The following PTPRT variants were observed in gnomAD, a reference collection of about 807,000 sequenced individuals.
PTPRT encodes the protein protein tyrosine phosphatase receptor type T.
PTPRT carries 56 observed loss-of-function variants against 176.8 expected under a neutral mutation model. The observed-to-expected ratio is 0.32, with a 90% CI of 0.26 to 0.40. The LOEUF is 0.40. Among genes scored for constraint, PTPRT ranks in the 10% least tolerant of loss-of-function variants. The pLI, the probability that PTPRT is intolerant of heterozygous loss-of-function variation, is 1.00. For missense variants in PTPRT, 1,540 were observed against 1,908.2 expected, an observed-to-expected ratio of 0.81 and a Z score of 3.60; for synonymous variants, 783 against 739.0, an observed-to-expected ratio of 1.06 and a Z score of -0.96.
chr20:42,355,767 G>A (rs2058350311), intron 9 of PTPRT, among the ~76,000 whole-genome samples: 1 of 152,116 alleles, frequency 6.6e-6, no homozygotes, highest in Non-Finnish European at 1.5e-5. Context: ...CCGTCCCCCT[G>A]CTTGGACTGG....
intron 6 of PTPRT, among the ~76,000 whole-genome samples, chr20:42,723,311 G>A (rs536587142): frequency 2.6e-5 from 4 of 152,218 alleles, no homozygotes; most frequent in East Asian, 1.9e-4. Context: ...CACAGAAAAC[G>A]AGGGCTTGAA....
chr20:43,186,045 G>A (rs1422821017), intron 1 of PTPRT, among the ~76,000 whole-genome samples: 1 of 152,198 alleles, frequency 6.6e-6, no homozygotes, highest in African/African-American at 2.4e-5. Context: ...ATACACCTGT[G>A]CTGAGGTCAG....
chr20:43,027,408 G>A (rs1476352007), intron 1 of PTPRT, among the ~76,000 whole-genome samples: 1 of 151,306 alleles, frequency 6.6e-6, no homozygotes, highest in African/African-American at 2.4e-5. Flanking sequence ...CCCAGGAGGT[G>A]GAGGTTGCAG....
intron 17 of PTPRT, among the ~76,000 whole-genome samples, chr20:42,146,905 C>T (rs1436625657): frequency 6.6e-6 from 1 of 152,168 alleles, no homozygotes; most frequent in Non-Finnish European, 1.5e-5. Flanking sequence ...ATGCTGTTCC[C>T]TTTACCTGAA....
intron 15 of PTPRT, among the ~76,000 whole-genome samples, chr20:42,217,685 G>A (rs2055808120): frequency 6.6e-6 from 1 of 152,110 alleles, no homozygotes; most frequent in African/African-American, 2.4e-5. Flanking sequence ...TGCACTGCGG[G>A]ATGCTTAGTA....
chr20:42,319,620 A>T (rs1368837437), intron 11 of PTPRT, among the ~76,000 whole-genome samples: 2 of 152,250 alleles, frequency 1.3e-5, no homozygotes, highest in Non-Finnish European at 2.9e-5. Flanking sequence ...CAAAGACCAC[A>T]GAACTCTGAT....
chr20:42,572,566 C>T (rs1262802818), intron 7 of PTPRT, among the ~76,000 whole-genome samples: 1 of 152,190 alleles, frequency 6.6e-6, no homozygotes, highest in Non-Finnish European at 1.5e-5. Context: ...CTTTCGAGCC[C>T]ATATAAAATG....
At chr20:43,080,429 T>C (rs1452061302) in intron 1 of PTPRT, among the ~76,000 whole-genome samples, 1 of 152,238 alleles carries the variant, frequency 6.6e-6, no homozygotes, top group Non-Finnish European at 1.5e-5. Flanking sequence ...TAGCAAAAGC[T>C]GACTGATATA....
rs1464757658 is a variant in PTPRT, at chr20:42,199,330, C to T, written c.2401G>A (p.Val801Met). ...QSGAQREMGPVASADKPTTKL... is the reference protein window; with the variant it reads ...QSGAQREMGPMASADKPTTKL... ...GTGGTGGGTTTGTCGGCAGAGGCCA[C>T]AGGCCCCATCTCCCTCTGGGCTCCA... Residue 801 changes from valine (V) to methionine (M), a missense_variant, in exon 16 of 31, where the codon GTG (valine) becomes ATG (methionine). Around this residue, in one of 11 missense-constraint regions of PTPRT, gnomAD observed 255 missense variants for 250.1 expected, o/e 1.02. Coordinates refer to ENST00000373187, the MANE Select transcript of PTPRT (RefSeq NM_007050.6). 1 of 1,614,164 alleles carries T rather than the reference C, an allele frequency of 6.2e-7. No individual in the cohort carries two copies. Among genetic ancestry groups the T allele is most frequent in the Non-Finnish European group, 8.5e-7 (1 of 1,180,002 alleles).
intron 17 of PTPRT, among the ~76,000 whole-genome samples, chr20:42,160,501 G>C (rs964795574): frequency 6.6e-6 from 1 of 150,978 alleles, no homozygotes; most frequent in East Asian, 2.0e-4. Context: ...AAAGAGGAAC[G>C]TGGTGCCCTT....
At chr20:42,216,691 A>T (rs911821691) in intron 15 of PTPRT, among the ~76,000 whole-genome samples, 15 of 152,166 alleles carry the variant, frequency 9.9e-5, no homozygotes, top group Admixed American at 9.8e-4. Flanking sequence ...GACACTTTCC[A>T]TTCCTTTATT....
intron 1 of PTPRT, among the ~76,000 whole-genome samples, chr20:42,914,980 A>G (rs1483128881): frequency 6.6e-6 from 1 of 152,080 alleles, no homozygotes; most frequent in African/African-American, 2.4e-5. Flanking sequence ...AATTTTCTAA[A>G]CCCTTATCCC....
At chr20:42,382,966 G>A (rs2058711075) in intron 9 of PTPRT, among the ~76,000 whole-genome samples, 1 of 152,116 alleles carries the variant, frequency 6.6e-6, no homozygotes, top group Non-Finnish European at 1.5e-5. Flanking sequence ...TCTGAGCTCT[G>A]CAATTACATC....
chr20:42,942,639 T>C (rs975620765), intron 1 of PTPRT, among the ~76,000 whole-genome samples: 4 of 152,198 alleles, frequency 2.6e-5, no homozygotes, highest in African/African-American at 9.6e-5. Flanking sequence ...GAACATAGTA[T>C]GGGCGTATGA....
chr20:42,639,906 C>T (rs1056313455), intron 7 of PTPRT, among the ~76,000 whole-genome samples: 1 of 152,058 alleles, frequency 6.6e-6, no homozygotes, highest in Admixed American at 6.6e-5. Context: ...TTGTCTACGC[C>T]GCTTCTGCTT....
intron 7 of PTPRT, among the ~76,000 whole-genome samples, chr20:42,577,837 C>CTGTGTGTGTG (rs11468271): frequency 0.04 from 5,552 of 139,350 alleles, 155 homozygotes; most frequent in South Asian, 0.088. Context: ...CTGAGCAAGG[C>CTGTGTGTGTG]TGTGTGTGTG....
At chr20:42,886,554 G>A (rs925307168) in intron 1 of PTPRT, among the ~76,000 whole-genome samples, 1 of 152,224 alleles carries the variant, frequency 6.6e-6, no homozygotes, top group African/African-American at 2.4e-5. Context: ...TTTTCATGGA[G>A]TGAGAATCGA....
chr20:42,673,229 A>G (rs933746605), intron 7 of PTPRT, among the ~76,000 whole-genome samples: 1 of 152,136 alleles, frequency 6.6e-6, no homozygotes, highest in Non-Finnish European at 1.5e-5. Flanking sequence ...TTTTCCTCCC[A>G]TCTACATCTC....
At chr20:42,664,696 TG>T (rs2075282986) in intron 7 of PTPRT, among the ~76,000 whole-genome samples, 1 of 152,202 alleles carries the variant, frequency 6.6e-6, no homozygotes, top group Non-Finnish European at 1.5e-5. Context: ...CTTGAACTCC[TG>T]GGCTCAAGTG....
Sources: allele counts gnomAD v4.1 joint callset (sites outside exome capture counted in the v4.1 genomes callset), GRCh38; gene constraint gnomAD v4.1.1; regional missense constraint gnomAD v4.1.1; transcripts MANE v1.5; gene names NCBI Gene and HGNC (gene_info 2026-07-23, HGNC 2026-07-21).